Variants in TMCO1 observed in about 807,000 individuals in gnomAD.
TMCO1 encodes transmembrane and coiled-coil domains 1, also known as calcium load-activated calcium channel.
A neutral mutation model predicts 29.3 loss-of-function variants in TMCO1; 29 were observed. That is an observed-to-expected ratio of 0.99 (90% CI 0.74 to 1.35). The LOEUF is 1.35. Ranked by LOEUF, TMCO1 falls within the 40% of genes most tolerant of loss-of-function variation. The pLI is 0.00. For missense variants in TMCO1, 173 were observed against 225.5 expected (o/e 0.77, Z 1.49); for synonymous variants, 80 against 77.1 (o/e 1.04, Z -0.20).
chr1:165,739,325 C>G (rs867983439), intron 6 of TMCO1, among the ~76,000 whole-genome samples: 10 of 152,286 alleles, frequency 6.6e-5, no homozygotes, highest in Admixed American at 1.3e-4. Context: ...ATAACTGACA[C>G]ACAACTCATC....
chr1:165,745,752 G>T (rs1319166862), intron 5 of TMCO1, among the ~76,000 whole-genome samples: 1 of 152,146 alleles, frequency 6.6e-6, no homozygotes, highest in Non-Finnish European at 1.5e-5. Context: ...TCATATGCCA[G>T]TTTATAAAAA....
downstream of TMCO1, chr1:165,724,771 T>G: frequency 4.4e-6 from 2 of 453,920 alleles, no homozygotes; most frequent in South Asian, 3.1e-5. Flanking sequence ...ACACATTATA[T>G]TAAGGAATTG....
At chr1:165,747,422 A>C (rs1651841959) in intron 5 of TMCO1, among the ~76,000 whole-genome samples, 1 of 152,204 alleles carries the variant, frequency 6.6e-6, no homozygotes, top group Non-Finnish European at 1.5e-5. Context: ...CTGGATGGGA[A>C]TACTAAAAAT....
At chr1:165,768,390 C>G in intron 1 of TMCO1, 121 bp from the exon 2 acceptor site, 1 of 1,499,054 alleles carries the variant, frequency 6.7e-7, no homozygotes, top group South Asian at 1.2e-5. Flanking sequence ...CCATAGTTAA[C>G]TTTTTTCAAA....
chr1:165,739,204 CA>C (rs1651496927), intron 6 of TMCO1, among the ~76,000 whole-genome samples: 1 of 152,130 alleles, frequency 6.6e-6, no homozygotes, highest in South Asian at 2.1e-4. Flanking sequence ...AACTTAATAG[CA>C]TATACCGTAC....
chr1:165,750,974 G>A (rs893501810), intron 5 of TMCO1, among the ~76,000 whole-genome samples: 4 of 152,080 alleles, frequency 2.6e-5, no homozygotes, highest in African/African-American at 9.7e-5. Context: ...GGAGGCTGAG[G>A]CAGGAGAATC....
chr1:165,739,772 A>G (rs1274519906), intron 6 of TMCO1, among the ~76,000 whole-genome samples: 1 of 152,096 alleles, frequency 6.6e-6, no homozygotes, highest in East Asian at 1.9e-4. Flanking sequence ...ATCTAAGATT[A>G]CTATTGATCC....
intron 5 of TMCO1, among the ~76,000 whole-genome samples, chr1:165,750,598 C>T (rs193245343): frequency 7.6e-4 from 110 of 144,436 alleles, no homozygotes; most frequent in South Asian, 1.8e-3. Flanking sequence ...ATTATAAAGA[C>T]ATTTCAAAAA....
downstream of TMCO1, chr1:165,725,259 G>T (rs1487193197): frequency 2.2e-6 from 1 of 453,852 alleles, no homozygotes; most frequent in Admixed American, 2.4e-5. Context: ...CTAGTTTGTG[G>T]CAAAATGCTT....
rs1490163556 is a variant in TMCO1 at position 165,727,297 on chromosome 1, A to AT, written c.*725dup. ...ATTTTTATTTATTTATTTATATTTA[A>AT]TTTTTTTTCAGACATCAGTGTTACT... On this transcript the variant is annotated 3_prime_UTR_variant, in exon 7 of 7. Coordinates refer to ENST00000367881, the MANE Select transcript of TMCO1 (RefSeq NM_019026.6). 8.9e-6 allele frequency: 4 copies of AT among 447,330 alleles called. No individual in the cohort carries two copies. The highest frequency in any genetic ancestry group is 4.4e-6 in the Non-Finnish European group (1 of 224,726). The allele number at this position is 447,330 out of a possible 1,614,324, so 27.7% of individuals were successfully genotyped here. A position where few individuals can be genotyped will look rare whatever the true frequency, so the allele number is the denominator to read the frequency against.
At chr1:165,748,511 A>T (rs1270254756) in intron 5 of TMCO1, among the ~76,000 whole-genome samples, 1 of 152,202 alleles carries the variant, frequency 6.6e-6, no homozygotes, top group African/African-American at 2.4e-5. Context: ...TGAAAGGGTC[A>T]GATTTAATCC....
intron 5 of TMCO1, among the ~76,000 whole-genome samples, chr1:165,746,673 T>C (rs1418011002): frequency 6.6e-6 from 1 of 152,196 alleles, no homozygotes; most frequent in Admixed American, 6.5e-5. Flanking sequence ...AAAAATTTCA[T>C]AAATATCATA....
At chr1:165,757,480 T>A (rs868439451) in intron 3 of TMCO1, among the ~76,000 whole-genome samples, 24 of 152,330 alleles carry the variant, frequency 1.6e-4, no homozygotes, top group African/African-American at 5.5e-4. Context: ...AAGATTTTGA[T>A]AAGCAACTCT....
Position 165,759,529 on chromosome 1 carries a change from T to C in TMCO1, c.204A>G (p.Lys68=), listed in dbSNP as rs762492690. Residue 68 remains lysine, a synonymous_variant, in exon 3 of 7, where the codon AAA becomes AAG. Coordinates refer to ENST00000367881, the MANE Select transcript of TMCO1 (RefSeq NM_019026.6). ...TTGACTAATATCTCATCTTACCTAT[T>C]TTCTTTTTCTGTTGTCGACCAGCTG... ...TESAGRQQKK[K]IERQEEKLKN... is the part of the protein sequence containing the mutation. The C allele has an allele frequency of 3.1e-6, 5 of 1,611,698 alleles. No individual in the cohort carries two copies. The South Asian group carries it at 5.5e-5, about 18-fold the overall frequency.
intron 6 of TMCO1, among the ~76,000 whole-genome samples, chr1:165,728,480 T>TCTC (rs1318428297): frequency 6.6e-6 from 1 of 152,014 alleles, no homozygotes; most frequent in East Asian, 1.9e-4. Context: ...ATGGTCTCGA[T>TCTC]CTCCTGACCT....
chr1:165,763,491 A>G (rs1652466873), intron 2 of TMCO1, among the ~76,000 whole-genome samples: 1 of 152,206 alleles, frequency 6.6e-6, no homozygotes, highest in Non-Finnish European at 1.5e-5. Flanking sequence ...TAGAGGACCT[A>G]AGACCACAAG....
intron 5 of TMCO1, 68 bp from the exon 6 acceptor site, chr1:165,743,379 A>G: frequency 6.6e-7 from 1 of 1,520,886 alleles, no homozygotes; most frequent in Non-Finnish European, 9.0e-7. Flanking sequence ...CTTCCAAAGA[A>G]GAATCTGGGA....
chr1:165,767,501 T>C (rs1652616187), intron 2 of TMCO1, among the ~76,000 whole-genome samples: 1 of 152,212 alleles, frequency 6.6e-6, no homozygotes, highest in Non-Finnish European at 1.5e-5. Context: ...CATAATGACA[T>C]ATCATCCTCC....
intron 2 of TMCO1, among the ~76,000 whole-genome samples, chr1:165,766,761 A>AAAAAAAAT (rs1558044460): frequency 7.4e-6 from 1 of 135,404 alleles, no homozygotes; most frequent in Non-Finnish European, 1.7e-5. Flanking sequence ...CCTGTCTCAA[A>AAAAAAAAT]AAATAAATAA....
Sources: gnomAD v4.1 joint callset for allele counts (sites outside exome capture counted in the v4.1 genomes callset) on GRCh38, gnomAD v4.1.1 for gene constraint, MANE v1.5 for transcripts, NCBI Gene and HGNC (gene_info 2026-07-23, HGNC 2026-07-21) for gene names.